Variants in ACER2 observed in about 807,000 individuals in gnomAD.
The protein encoded by ACER2 is alkCDase 2.
A neutral mutation model predicts 34.7 loss-of-function variants in ACER2; 26 were observed. That is an observed-to-expected ratio of 0.75 (90% CI 0.55 to 1.04). The LOEUF is 1.04. ACER2 is among the 50% of genes least tolerant of loss of function. The pLI is 0.00. For synonymous variants in ACER2, 138 were observed against 132.1 expected (o/e 1.04, Z -0.31); for missense variants, 352 against 340.8 (o/e 1.03, Z -0.26).
intron 4 of ACER2, 173 bp from the exon 5 acceptor site, chr9:19,446,108 A>G: frequency 3.1e-6 from 3 of 955,090 alleles, no homozygotes; most frequent in Non-Finnish European, 5.1e-6. Context: ...CCATCTGTGT[A>G]CATATGGTAT....
At position 19,452,488 on chromosome 9, in the gene ACER2, AATTT is replaced by A. The variant is rs1410278361; in HGVS notation, c.*1858_*1861del. ...GTGTGAAGTAAATTGTATGTTATTA[AATTT>A]ATTTAAGGTTAAATTTATGGCATTT... On this transcript the variant is annotated 3_prime_UTR_variant, in exon 6 of 6. Transcript: ENST00000340967. Among the ~76,000 whole-genome samples the A allele has an allele frequency of 2.6e-4, 39 of 152,206 alleles. No individual in the cohort carries two copies. The highest frequency in any genetic ancestry group is 9.2e-4 in the African/African-American group (38 of 41,458).
intron 3 of ACER2, among the ~76,000 whole-genome samples, chr9:19,434,271 T>C (rs1378426999): frequency 2.1e-4 from 31 of 149,372 alleles, no homozygotes; most frequent in Non-Finnish European, 4.0e-4. Flanking sequence ...CGGGCAGAGA[T>C]GCTCCTCACT....
intron 1 of ACER2, among the ~76,000 whole-genome samples, chr9:19,419,225 C>T (rs1204262222): frequency 1.3e-5 from 2 of 152,158 alleles, no homozygotes; most frequent in Non-Finnish European, 2.9e-5. Flanking sequence ...ACTGCATATA[C>T]AGTATAGTAC....
chr9:19,412,171 C>G (rs1347282611), intron 1 of ACER2, among the ~76,000 whole-genome samples: 2 of 152,176 alleles, frequency 1.3e-5, no homozygotes, highest in Non-Finnish European at 2.9e-5. Context: ...TAGGATAAAA[C>G]TCATACTTTT....
chr9:19,425,318 C>G (rs897308811), intron 3 of ACER2, among the ~76,000 whole-genome samples: 5 of 152,122 alleles, frequency 3.3e-5, no homozygotes, highest in African/African-American at 1.2e-4. Flanking sequence ...GAGCTGTGCA[C>G]CTGCGTGCGT....
intron 4 of ACER2, among the ~76,000 whole-genome samples, chr9:19,441,285 A>C (rs1048621203): frequency 1.3e-5 from 2 of 152,072 alleles, no homozygotes; most frequent in African/African-American, 4.8e-5. Context: ...TGCTGACCTC[A>C]TGATCTGCCC....
chr9:19,435,237 G>T (rs997935828), intron 4 of ACER2, among the ~76,000 whole-genome samples, 153 bp downstream of exon 4: 2 of 152,168 alleles, frequency 1.3e-5, no homozygotes, highest in Non-Finnish European at 2.9e-5. Flanking sequence ...TGATGGTTTG[G>T]TTCAAAATAC....
intron 5 of ACER2, chr9:19,446,682 T>C (rs1831376146): frequency 2.1e-6 from 2 of 958,824 alleles, no homozygotes; most frequent in Non-Finnish European, 2.5e-6. Context: ...ACTCCATTAT[T>C]AAAGCCTAAA....
At chr9:19,440,346 G>T (rs551103666) in intron 4 of ACER2, among the ~76,000 whole-genome samples, 1 of 152,258 alleles carries the variant, frequency 6.6e-6, no homozygotes, top group Non-Finnish European at 1.5e-5. Flanking sequence ...CTGAATGTTT[G>T]TATCTCCCCT....
chr9:19,446,727 A>G, intron 5 of ACER2: 1 of 771,408 alleles, frequency 1.3e-6, no homozygotes, highest in South Asian at 5.9e-5. Context: ...CCTGAGCTCT[A>G]GCTAGGTGTT....
At chr9:19,413,148 T>C (rs948295729) in intron 1 of ACER2, among the ~76,000 whole-genome samples, 1 of 152,246 alleles carries the variant, frequency 6.6e-6, no homozygotes, top group Admixed American at 6.5e-5. Context: ...TGCAAATTTC[T>C]GTTGCCTCAA....
At chr9:19,423,710 A>G (rs1263970067) in intron 1 of ACER2, 152 bp from the exon 2 acceptor site, 29 of 613,450 alleles carry the variant, frequency 4.7e-5, no homozygotes, top group Non-Finnish European at 5.2e-5. Context: ...CTCCATCTCA[A>G]AGAGAAAAGA....
intron 4 of ACER2, among the ~76,000 whole-genome samples, chr9:19,436,112 A>T (rs963648839): frequency 6.6e-6 from 1 of 151,700 alleles, no homozygotes; most frequent in Non-Finnish European, 1.5e-5. Flanking sequence ...ATAGAGACAA[A>T]GTCCCACTGT....
chr9:19,409,052 C>T lies in ACER2; in HGVS notation c.-33C>T. On this transcript the variant is annotated 5_prime_UTR_variant, in exon 1 of 6. Transcript: ENST00000340967. ...AGCAGCTCTGGGCTCTTCTCAGCTG[C>T]GCGAGCAGCTGCTCCAATGCCCCGG... The T allele has an allele frequency of 6.5e-7, 1 of 1,532,628 alleles. No individual in the cohort carries two copies. Among genetic ancestry groups the T allele is most frequent in the East Asian group, 2.4e-5 (1 of 41,538 alleles). The allele number at this position is 1,532,628 out of a possible 1,614,324, so 94.9% of individuals were successfully genotyped here. A position where few individuals can be genotyped will look rare whatever the true frequency, so the allele number is the denominator to read the frequency against.
At chr9:19,437,156 T>A (rs1831003837) in intron 4 of ACER2, among the ~76,000 whole-genome samples, 1 of 152,250 alleles carries the variant, frequency 6.6e-6, no homozygotes, top group African/African-American at 2.4e-5. Context: ...GTCTCTTTCC[T>A]GAAGTCCAGT....
intron 1 of ACER2, chr9:19,409,712 G>C: frequency 4.1e-6 from 4 of 982,226 alleles, no homozygotes; most frequent in Non-Finnish European, 4.8e-6. Flanking sequence ...TGCCTATAAT[G>C]GTCGAGTTAT....
chr9:19,436,301 T>G (rs1236253170), intron 4 of ACER2, among the ~76,000 whole-genome samples: 1 of 152,132 alleles, frequency 6.6e-6, no homozygotes, highest in Non-Finnish European at 1.5e-5. Context: ...ACTAATGACG[T>G]TTTTTAAAAA....
At chr9:19,429,994 A>C (rs188724240) in intron 3 of ACER2, among the ~76,000 whole-genome samples, 15 of 152,198 alleles carry the variant, frequency 9.9e-5, no homozygotes, top group African/African-American at 3.4e-4. Flanking sequence ...GCTTGTGGAC[A>C]TGTTTTTGGT....
At chr9:19,426,757 A>G (rs547494562) in intron 3 of ACER2, among the ~76,000 whole-genome samples, 10 of 152,208 alleles carry the variant, frequency 6.6e-5, no homozygotes, top group African/African-American at 2.4e-4. Context: ...GTTAAAGCTT[A>G]CCAACTTTAA....
Sources: gnomAD v4.1 joint callset for allele counts (sites outside exome capture counted in the v4.1 genomes callset) on GRCh38, gnomAD v4.1.1 for gene constraint, MANE v1.5 for transcripts, NCBI Gene and HGNC (gene_info 2026-07-23, HGNC 2026-07-21) for gene names.